NAV1: variants seen among roughly 807,000 people sequenced by gnomAD.
NAV1 encodes the protein neuron navigator 1.
A neutral mutation model predicts 175.2 loss-of-function variants in NAV1; 18 were observed. That is an observed-to-expected ratio of 0.10 (90% CI 0.07 to 0.15). NAV1 has a LOEUF of 0.15. Ranked by LOEUF, NAV1 falls within the 10% of genes least tolerant of loss-of-function variation. NAV1 has a pLI of 1.00. For synonymous variants in NAV1, 897 were observed against 978.7 expected, an observed-to-expected ratio of 0.92 and a Z score of 1.56; for missense variants, 1,731 against 2,436.6, an observed-to-expected ratio of 0.71 and a Z score of 6.10.
At chr1:201,578,887 C>T (rs1666768002) in intron 1 of NAV1, among the ~76,000 whole-genome samples, 1 of 152,148 alleles carries the variant, frequency 6.6e-6, no homozygotes, top group Non-Finnish European at 1.5e-5. Flanking sequence ...AATCCCAGCA[C>T]TTTGGGAGGC....
At chr1:201,741,328 G>A (rs1162096077) in intron 3 of NAV1, among the ~76,000 whole-genome samples, 1 of 152,144 alleles carries the variant, frequency 6.6e-6, no homozygotes, top group East Asian at 1.9e-4. Context: ...CAGCCCTGAA[G>A]CCCCCCTGGA....
At chr1:201,722,356 TTTG>T (rs374209809) in intron 3 of NAV1, among the ~76,000 whole-genome samples, 4 of 152,204 alleles carry the variant, frequency 2.6e-5, no homozygotes, top group African/African-American at 9.6e-5. Context: ...TCATACAGTC[TTTG>T]TTGTTGTTGT....
chr1:201,817,756 T>C (rs138726376), intron 29 of NAV1, among the ~76,000 whole-genome samples: 258 of 152,318 alleles, frequency 1.7e-3, no homozygotes, highest in Admixed American at 4.6e-3. Flanking sequence ...TAGCACTCTC[T>C]CTACTTCTGC....
chr1:201,769,673 A>T (rs117341771), intron 3 of NAV1, among the ~76,000 whole-genome samples: 1 of 152,176 alleles, frequency 6.6e-6, no homozygotes. Flanking sequence ...TCTCTTTCCT[A>T]TATGAGGAAG....
chr1:201,751,080 A>G lies in NAV1; in HGVS notation c.1227-29341A>G, dbSNP rs77177024. The stretch of plus-strand genomic sequence containing the variant: ...GGAATTTCACTCATAGTTGCCCAAG[A>G]AAAGCATGTTAATACCAAAAGTAAT... On this transcript the variant is annotated intron_variant, in intron 3 of 29. Transcript: ENST00000367296. 7.3e-3 allele frequency among the ~76,000 whole-genome samples: 1,113 copies of G among 152,312 alleles called. 10 individuals are homozygous for G. Among genetic ancestry groups the G allele is most frequent in the African/African-American group, 0.024 (988 of 41,552 alleles).
chr1:201,763,495 C>T (rs1054589613), intron 3 of NAV1, among the ~76,000 whole-genome samples: 1 of 152,148 alleles, frequency 6.6e-6, no homozygotes, highest in Admixed American at 6.5e-5. Context: ...ATTCCCACTC[C>T]TGTGAAAGAA....
At chr1:201,540,679 G>T (rs187247407) in intron 1 of NAV1, among the ~76,000 whole-genome samples, 1 of 152,344 alleles carries the variant, frequency 6.6e-6, no homozygotes, top group Non-Finnish European at 1.5e-5. Flanking sequence ...ATTGACCTAA[G>T]AAGGGAGACA....
chr1:201,619,106 G>T (rs757196840), upstream of NAV1, among the ~76,000 whole-genome samples: 6 of 152,204 alleles, frequency 3.9e-5, no homozygotes, highest in Non-Finnish European at 7.4e-5. Flanking sequence ...GGAGAGGGAG[G>T]GGTAGGGTTC....
At chr1:201,695,071 C>T (rs961957435) in intron 1 of NAV1, among the ~76,000 whole-genome samples, 1 of 152,228 alleles carries the variant, frequency 6.6e-6, no homozygotes, top group African/African-American at 2.4e-5. Context: ...TCCACTGCCT[C>T]CTCTGGAGAG....
chr1:201,684,560 C>T (rs905882437), intron 1 of NAV1, among the ~76,000 whole-genome samples: 2 of 150,446 alleles, frequency 1.3e-5, no homozygotes, highest in Admixed American at 6.6e-5. Flanking sequence ...CTGCAACCTC[C>T]GTCTCCCAGG....
At chr1:201,720,940 G>T (rs1320188375) in intron 3 of NAV1, among the ~76,000 whole-genome samples, 1 of 151,976 alleles carries the variant, frequency 6.6e-6, no homozygotes, top group Non-Finnish European at 1.5e-5. Flanking sequence ...AATCCCAGGG[G>T]CATAGATAAT....
chr1:201,568,801 G>A (rs1666442191), intron 1 of NAV1, among the ~76,000 whole-genome samples: 1 of 152,116 alleles, frequency 6.6e-6, no homozygotes, highest in Non-Finnish European at 1.5e-5. Flanking sequence ...CGGTCTTCAG[G>A]CTGCTCACCG....
chr1:201,718,641 G>T lies in NAV1; in HGVS notation c.1112G>T (p.Arg371Leu), dbSNP rs369380338. 1.9e-6 allele frequency: 3 copies of T among 1,614,160 alleles called. No individual in the cohort carries two copies. The highest frequency in any genetic ancestry group is 2.5e-6 in the Non-Finnish European group (3 of 1,180,018). ...CCCAGCAAGCTCAGCCATATCTCCC[G>T]CCTGGAGCTGGTCGAATCCCTGGAC... Residue 371 changes from arginine (R) to leucine (L), a missense_variant, in exon 3 of 30, where the codon CGC becomes CTC. Coordinates refer to ENST00000367296, the Ensembl canonical transcript of NAV1. The surrounding 1 kb of genome is among the most constrained non-coding windows in gnomAD (Gnocchi z 4.8).
intron 2 of NAV1, among the ~76,000 whole-genome samples, chr1:201,598,926 C>T (rs900343144): frequency 3.9e-5 from 6 of 152,206 alleles, no homozygotes; most frequent in African/African-American, 1.4e-4. Flanking sequence ...CATCCCTCCC[C>T]CTGCCTCTGG....
At chr1:201,681,414 G>A (rs183019801) in intron 1 of NAV1, among the ~76,000 whole-genome samples, 28 of 152,316 alleles carry the variant, frequency 1.8e-4, no homozygotes, top group East Asian at 7.7e-4. Flanking sequence ...AATGGGGTTC[G>A]TGAGTCCCCA....
At chr1:201,578,669 A>T (rs1162360605) in intron 1 of NAV1, among the ~76,000 whole-genome samples, 1 of 152,158 alleles carries the variant, frequency 6.6e-6, no homozygotes, top group African/African-American at 2.4e-5. Flanking sequence ...TGGGCACTTC[A>T]TCATGGCCTG....
intron 1 of NAV1, among the ~76,000 whole-genome samples, chr1:201,660,923 C>T (rs1382938161): frequency 6.6e-6 from 1 of 152,128 alleles, no homozygotes; most frequent in African/African-American, 2.4e-5. Flanking sequence ...AAAAAAGCAC[C>T]TATTTGACTA....
At position 201,539,411 on chromosome 1, in the gene NAV1, G is replaced by A. The variant is rs1665435863; in HGVS notation, c.-144+69G>A. 6.6e-6 allele frequency among the ~76,000 whole-genome samples: 1 copy of A among 152,070 alleles called. No individual in the cohort carries two copies. Among genetic ancestry groups the A allele is most frequent in the Non-Finnish European group, 1.5e-5 (1 of 67,986 alleles). ...GGTCTGGCGCTTCCCGTTTTGCGAG[G>A]CTTGGCTGGCAGGTCCTGCGAGGCC... On this transcript the variant is annotated intron_variant, in intron 1 of 33. Transcript: ENST00000685211. The surrounding 1 kb of genome is among the most constrained non-coding windows in gnomAD (Gnocchi z 5.6).
Position 201,788,434 on chromosome 1 carries a change from C to T in NAV1, c.2996-34C>T, listed in dbSNP as rs1174224008. 5 of 1,612,688 alleles carry T rather than the reference C, an allele frequency of 3.1e-6. No homozygotes were observed. The South Asian group carries it at 5.5e-5, about 18-fold the overall frequency. ...CTGCCTCTTTTCCTGCCCTCCTGCT[C>T]CCTCTCCTGTCCCCCTTCCCTCTGT... On this transcript the variant is annotated intron_variant, in intron 9 of 29. Coordinates refer to ENST00000367296, the Ensembl canonical transcript of NAV1. This position sits in a 1 kb window ranked among gnomAD's most constrained non-coding sequence, Gnocchi z 5.7.
Sources: gnomAD v4.1 joint callset for allele counts (sites outside exome capture counted in the v4.1 genomes callset) on GRCh38, gnomAD v4.1.1 for gene constraint, Gnocchi (gnomAD v3.1) non-coding constraint, MANE v1.5 for transcripts, NCBI Gene and HGNC (gene_info 2026-07-23, HGNC 2026-07-21) for gene names.